The following SMC6 variants were observed in gnomAD, a reference collection of about 807,000 sequenced individuals.
The protein encoded by SMC6 is structural maintenance of chromosomes 6, also known as structural maintenance of chromosomes protein 6.
SMC6 carries 79 observed loss-of-function variants against 142.2 expected under a neutral mutation model. The observed-to-expected ratio is 0.56, with a 90% CI of 0.46 to 0.67. SMC6 has a LOEUF of 0.67. Among genes scored for constraint, SMC6 ranks in the 30% least tolerant of loss-of-function variants. SMC6 has a pLI of 0.00. For synonymous variants in SMC6, 411 were observed against 412.4 expected, an observed-to-expected ratio of 1.00 and a Z score of 0.04; for missense variants, 1,072 against 1,284.0, an observed-to-expected ratio of 0.83 and a Z score of 2.52.
chr2:17,668,362 C>G (rs943992391), intron 26 of SMC6, among the ~76,000 whole-genome samples: 1 of 152,114 alleles, frequency 6.6e-6, no homozygotes, highest in African/African-American at 2.4e-5. Context: ...TTATACAGCA[C>G]TCACAGGTAT....
At chr2:17,721,387 T>C in intron 9 of SMC6, 126 bp from the exon 10 acceptor site, 1 of 970,960 alleles carries the variant, frequency 1.0e-6, no homozygotes, top group East Asian at 2.9e-5. Context: ...TAAAAATAAC[T>C]TCTATTTTTT....
At chr2:17,736,104 G>A (rs1408840430) in intron 5 of SMC6, among the ~76,000 whole-genome samples, 1 of 152,114 alleles carries the variant, frequency 6.6e-6, no homozygotes, top group African/African-American at 2.4e-5. Flanking sequence ...ATAAAAACAA[G>A]GGAAATTTTA....
rs1666391791 is a variant in SMC6, at chr2:17,664,119, CTACTT to C, written c.*1375_*1379del. The C allele has an allele frequency of 2.6e-5, 4 of 152,168 alleles. No individual in the cohort carries two copies. Among genetic ancestry groups the C allele is most frequent in the Non-Finnish European group, 4.4e-5 (3 of 68,032 alleles). The allele number at this position is 152,168 out of a possible 1,614,324, so 9.4% of individuals were successfully genotyped here. On this transcript the variant is annotated 3_prime_UTR_variant, in exon 28 of 28. Coordinates refer to ENST00000448223, the MANE Select transcript of SMC6 (RefSeq NM_001142286.2). The stretch of plus-strand genomic sequence containing the variant: ...TGAAAGTTTATGCATTTGGTATACT[CTACTT>C]CATTTTTAATTTGGAAAAGCACATG...
Position 17,753,703 on chromosome 2 carries a change from G to C in SMC6, c.-170C>G, listed in dbSNP as rs1367784846. The C allele has an allele frequency of 6.6e-6, 1 of 152,226 alleles. No individual in the cohort carries two copies. Among genetic ancestry groups the C allele is most frequent in the Non-Finnish European group, 1.5e-5 (1 of 68,046 alleles). 9.4% of individuals were successfully genotyped at this position (152,226 alleles called of 1,614,324 possible). On this transcript the variant is annotated 5_prime_UTR_variant, in exon 1 of 28. Coordinates refer to ENST00000448223, the MANE Select transcript of SMC6 (RefSeq NM_001142286.2). ...TACGACCGGCCGCTAAGGCCACCCTGCGGGCGTCTCGACCTCGGCTGACCG... is the reference window on the plus strand; with the variant it reads ...TACGACCGGCCGCTAAGGCCACCCTCCGGGCGTCTCGACCTCGGCTGACCG...
chr2:17,698,532 T>C (rs1010363508), intron 21 of SMC6, among the ~76,000 whole-genome samples: 1 of 152,084 alleles, frequency 6.6e-6, no homozygotes, highest in Non-Finnish European at 1.5e-5. Context: ...GATTTTAATA[T>C]AGCTACTCTT....
At position 17,702,753 on chromosome 2, in the gene SMC6, C is replaced by T. The variant is rs1668328586; in HGVS notation, c.2142+404G>A. Among the ~76,000 whole-genome samples the T allele has an allele frequency of 2.6e-5, 4 of 152,140 alleles. No individual in the cohort carries two copies. In the South Asian group the frequency reaches 8.3e-4, roughly 32 times the overall value. On this transcript the variant is annotated intron_variant, in intron 19 of 27. Transcript: ENST00000448223. Reference sequence around the variant, plus strand: ...CATGAGATTTGATGGTTTTATAAGGCGTTTCCCCTTTTGCTTGGCTCTCTT... The same window carrying T: ...CATGAGATTTGATGGTTTTATAAGGTGTTTCCCCTTTTGCTTGGCTCTCTT...
At position 17,723,833 on chromosome 2, in the gene SMC6, T is replaced by C. The variant is rs117010696; in HGVS notation, c.726+1424A>G. Among the ~76,000 whole-genome samples the C allele has an allele frequency of 1.2e-3, 188 of 152,344 alleles. 2 individuals carry two copies. The East Asian group carries it at 0.031, about 25-fold the overall frequency. On this transcript the variant is annotated intron_variant, in intron 9 of 27. Transcript: ENST00000448223. Reference sequence around the variant, plus strand: ...CTTAATATTGACTGAATGATTATTCTAGTTTCTAGCCTTTACATGCTATTT... The same window carrying C: ...CTTAATATTGACTGAATGATTATTCCAGTTTCTAGCCTTTACATGCTATTT...
intron 21 of SMC6, 114 bp from the exon 22 acceptor site, chr2:17,696,540 T>C (rs768459961): frequency 1.1e-5 from 11 of 1,025,598 alleles, no homozygotes; most frequent in Non-Finnish European, 1.6e-5. Flanking sequence ...AAGAGGCAAG[T>C]GTTATTATAT....
chr2:17,733,155 T>C (rs1669989229), intron 5 of SMC6, among the ~76,000 whole-genome samples: 1 of 152,250 alleles, frequency 6.6e-6, no homozygotes. Flanking sequence ...TTTGTAATCA[T>C]ACTCTAAAAC....
rs373194530 is a variant in SMC6, at chr2:17,741,749, G to A, written c.121-20C>T. The A allele has an allele frequency of 3.3e-6, 5 of 1,495,232 alleles. No homozygotes were observed. Among genetic ancestry groups the A allele is most frequent in the Non-Finnish European group, 4.6e-6 (5 of 1,082,788 alleles). The allele number at this position is 1,495,232 out of a possible 1,614,324, so 92.6% of individuals were successfully genotyped here. ...TGCAGTCTATTAATAAAAAACAATG[G>A]GAGAAAATGGTCAATCTAATTCACT... On this transcript the variant is annotated intron_variant, in intron 3 of 27. Transcript: ENST00000448223.
intron 18 of SMC6, among the ~76,000 whole-genome samples, chr2:17,706,638 A>G (rs1429105007): frequency 6.6e-6 from 1 of 152,170 alleles, no homozygotes; most frequent in East Asian, 1.9e-4. Flanking sequence ...GAATGAATTC[A>G]GTTAAGAAAT....
At chr2:17,712,357 A>AT (rs1308603443) in intron 16 of SMC6, among the ~76,000 whole-genome samples, 1 of 152,186 alleles carries the variant, frequency 6.6e-6, no homozygotes, top group Non-Finnish European at 1.5e-5. Flanking sequence ...GGCTGAAATA[A>AT]TTTTTTTAAA....
chr2:17,682,639 AG>A (rs1407921601), intron 24 of SMC6, among the ~76,000 whole-genome samples: 2 of 152,130 alleles, frequency 1.3e-5, no homozygotes, highest in Non-Finnish European at 2.9e-5. Context: ...TATTGGCCAG[AG>A]TGAAAACCTT....
chr2:17,742,431 T>C (rs563422522), intron 3 of SMC6, among the ~76,000 whole-genome samples: 220 of 152,324 alleles, frequency 1.4e-3, no homozygotes, highest in Admixed American at 3.6e-3. Flanking sequence ...AGGAATAATA[T>C]TTCCTATACT....
Position 17,696,310 on chromosome 2 carries a change from A to G in SMC6, c.2511T>C (p.Asp837=). The G allele has an allele frequency of 3.1e-6, 5 of 1,598,860 alleles. No individual in the cohort carries two copies. Among genetic ancestry groups the G allele is most frequent in the Non-Finnish European group, 4.2e-6 (5 of 1,176,690 alleles). The part of the protein sequence containing the change: ...DTLNKKKREL[D]MKEKELEEKM... ...AAACCTCTAGTTCTTTCTCTTTCAT[A>G]TCCAGTTCTCGTTTCTTTTTATTTA... Residue 837 remains aspartate, a synonymous_variant, in exon 22 of 28, where the codon GAT becomes GAC. Coordinates refer to ENST00000448223, the MANE Select transcript of SMC6 (RefSeq NM_001142286.2).
chr2:17,673,185 A>G (rs1338931327), intron 25 of SMC6, among the ~76,000 whole-genome samples: 14 of 152,194 alleles, frequency 9.2e-5, no homozygotes, highest in Admixed American at 9.2e-4. Context: ...TTTACTCACC[A>G]TTTAGATACT....
chr2:17,749,295 T>C (rs116407074), intron 2 of SMC6, among the ~76,000 whole-genome samples: 1,588 of 152,242 alleles, frequency 0.01, 37 homozygotes, highest in African/African-American at 0.036. Context: ...TCTTTACTTA[T>C]TTATAATTTA....
chr2:17,733,806 A>T (rs1670018699), intron 5 of SMC6, among the ~76,000 whole-genome samples: 2 of 152,260 alleles, frequency 1.3e-5, no homozygotes, highest in African/African-American at 4.8e-5. Flanking sequence ...ACATACTCAC[A>T]GATACTGGCA....
intron 9 of SMC6, among the ~76,000 whole-genome samples, chr2:17,724,104 GATTA>G (rs937133605): frequency 4.6e-5 from 7 of 152,000 alleles, no homozygotes; most frequent in South Asian, 2.1e-4. Flanking sequence ...TTCAAGTCCT[GATTA>G]ATTATATTAA....
Sources: allele counts gnomAD v4.1 joint callset (sites outside exome capture counted in the v4.1 genomes callset), GRCh38; gene constraint gnomAD v4.1.1; transcripts MANE v1.5; gene names NCBI Gene and HGNC (gene_info 2026-07-23, HGNC 2026-07-21).